EPHB2: variants seen among roughly 807,000 people sequenced by gnomAD.
EPHB2 encodes the protein ephrin type-B receptor 2.
In EPHB2, 18 loss-of-function variants were observed where a neutral mutation model predicts 96.4. The ratio of observed to expected loss-of-function variants is 0.19; its 90% CI spans 0.13 to 0.28. The LOEUF (loss-of-function observed/expected upper bound fraction) is 0.28, where lower values mean the gene tolerates loss of function less well. Ranked by LOEUF, EPHB2 falls within the 10% of genes least tolerant of loss-of-function variation. The pLI is 1.00. For synonymous variants in EPHB2, 506 were observed against 534.1 expected (o/e 0.95, Z 0.72); for missense variants, 989 against 1,355.4 (o/e 0.73, Z 4.25).
At position 22,894,911 on chromosome 1, in the gene EPHB2, A is replaced by G. The variant is rs142459788; in HGVS notation, c.1592-561A>G. On this transcript the variant is annotated intron_variant, in intron 7 of 15. Coordinates refer to ENST00000374630, the MANE Select transcript of EPHB2 (RefSeq NM_017449.5). ...GTGACACATAAAACACTCAGGGACA[A>G]GAATAGTTAATATTGATTGAATGCT... Among the ~76,000 whole-genome samples, 62 of 152,342 alleles carry G rather than the reference A, an allele frequency of 4.1e-4. 1 individual carries two copies. The South Asian group carries it at 7.0e-3, about 17-fold the overall frequency.
intron 9 of EPHB2, among the ~76,000 whole-genome samples, chr1:22,905,237 T>C (rs948977519): frequency 1.3e-5 from 2 of 152,004 alleles, no homozygotes; most frequent in Non-Finnish European, 2.9e-5. Flanking sequence ...GAACAAAAAA[T>C]AATAATAATA....
Position 22,913,179 on chromosome 1 carries a change from C to T in EPHB2, c.2853-283C>T, listed in dbSNP as rs1328154830. 18 of 487,194 alleles carry T rather than the reference C, an allele frequency of 3.7e-5. No individual in the cohort carries two copies. Among genetic ancestry groups the T allele is most frequent in the Non-Finnish European group, 6.0e-5 (16 of 265,344 alleles). 30.2% of individuals were successfully genotyped at this position (487,194 alleles called of 1,614,324 possible). A position where few individuals can be genotyped will look rare whatever the true frequency, so the allele number is the denominator to read the frequency against. On this transcript the variant is annotated intron_variant, in intron 15 of 15. Coordinates refer to ENST00000374630, the MANE Select transcript of EPHB2 (RefSeq NM_017449.5). This position sits in a 1 kb window ranked among gnomAD's most constrained non-coding sequence, Gnocchi z 4.1. Reference sequence around the variant, plus strand: ...CTGCACACCAGCCTGGGTGACAGAGCGAGACTCTGTCTCGAAAAAGAAAGA... The same window carrying T: ...CTGCACACCAGCCTGGGTGACAGAGTGAGACTCTGTCTCGAAAAAGAAAGA...
intron 3 of EPHB2, among the ~76,000 whole-genome samples, chr1:22,847,249 G>C (rs546078033): frequency 3.9e-5 from 6 of 152,350 alleles, no homozygotes; most frequent in African/African-American, 1.4e-4. Flanking sequence ...AAACGGAGAT[G>C]CAAAGACAGT....
chr1:22,883,945 C>T (rs373239946), intron 6 of EPHB2, among the ~76,000 whole-genome samples: 27 of 152,146 alleles, frequency 1.8e-4, no homozygotes, highest in African/African-American at 6.5e-4. Context: ...CCCCCAAACA[C>T]CTCCTGGGAC....
chr1:22,755,430 G>A (rs1276464819), intron 1 of EPHB2, among the ~76,000 whole-genome samples: 2 of 152,214 alleles, frequency 1.3e-5, no homozygotes, highest in African/African-American at 2.4e-5. Context: ...GGCACACTGA[G>A]GTCTGAAGAA....
chr1:22,886,161 A>G (rs1286434957), intron 6 of EPHB2, among the ~76,000 whole-genome samples: 1 of 152,204 alleles, frequency 6.6e-6, no homozygotes, highest in Non-Finnish European at 1.5e-5. Flanking sequence ...GCCTTCATTC[A>G]GTGACACTTA....
chr1:22,839,018 C>G (rs1309365541), intron 3 of EPHB2, among the ~76,000 whole-genome samples: 1 of 152,064 alleles, frequency 6.6e-6, no homozygotes, highest in African/African-American at 2.4e-5. Flanking sequence ...CCTAGAGGGT[C>G]AGGTATAATT....
chr1:22,889,840 T>A (rs1160968443), intron 6 of EPHB2, among the ~76,000 whole-genome samples: 3 of 152,234 alleles, frequency 2.0e-5, no homozygotes, highest in African/African-American at 7.2e-5. Context: ...TTGAATTTTT[T>A]AAAAATAAAT....
intron 15 of EPHB2, 75 bp downstream of exon 15, chr1:22,912,674 C>G (rs935108737): frequency 6.9e-6 from 11 of 1,597,996 alleles, no homozygotes; most frequent in Non-Finnish European, 9.4e-6. Flanking sequence ...GTGGGGTGAT[C>G]TGGAGGGTGA....
intron 14 of EPHB2, among the ~76,000 whole-genome samples, chr1:22,911,831 T>G (rs1640113160): frequency 6.6e-6 from 1 of 152,142 alleles, no homozygotes; most frequent in African/African-American, 2.4e-5. Context: ...CTGTCTCTCC[T>G]CACCATGACC....
chr1:22,912,921 A>ACTG (rs1640154842), intron 15 of EPHB2: 1 of 392,784 alleles, frequency 2.5e-6, no homozygotes, highest in Admixed American at 3.6e-5. Flanking sequence ...GCAGCCGGGC[A>ACTG]CAGTGGCTCA....
At chr1:22,754,904 T>G (rs1334092195) in intron 1 of EPHB2, among the ~76,000 whole-genome samples, 11 of 75,146 alleles carry the variant, frequency 1.5e-4, no homozygotes, top group African/African-American at 2.2e-4. Flanking sequence ...GCAGAGGAGG[T>G]GAGGCGAGGG....
At chr1:22,830,254 G>T (rs546586807) in intron 3 of EPHB2, among the ~76,000 whole-genome samples, 1 of 152,170 alleles carries the variant, frequency 6.6e-6, no homozygotes, top group African/African-American at 2.4e-5. Context: ...GGCATCAGAC[G>T]CCATGCTCTG....
At chr1:22,798,261 G>A (rs1481177177) in intron 3 of EPHB2, among the ~76,000 whole-genome samples, 1 of 152,164 alleles carries the variant, frequency 6.6e-6, no homozygotes, top group South Asian at 2.1e-4. Flanking sequence ...CCCATGGAGA[G>A]GCTGGGGTTC....
intron 1 of EPHB2, among the ~76,000 whole-genome samples, chr1:22,748,205 C>T (rs1429134654): frequency 6.6e-6 from 1 of 152,206 alleles, no homozygotes; most frequent in African/African-American, 2.4e-5. Flanking sequence ...ATGCCTGCCA[C>T]AGAGTAAGCA....
intron 1 of EPHB2, chr1:22,775,231 G>A (rs985090485): frequency 1.4e-5 from 11 of 779,706 alleles, no homozygotes; most frequent in Admixed American, 1.4e-4. Flanking sequence ...CCCTGCCTGT[G>A]TGCACTTATG....
At chr1:22,868,371 A>G (rs1277394216) in intron 5 of EPHB2, among the ~76,000 whole-genome samples, 2 of 152,146 alleles carry the variant, frequency 1.3e-5, no homozygotes, top group Non-Finnish European at 2.9e-5. Flanking sequence ...TAGCAAATGA[A>G]CGGCATTCAT....
At chr1:22,818,485 A>G (rs1398329977) in intron 3 of EPHB2, among the ~76,000 whole-genome samples, 1 of 152,020 alleles carries the variant, frequency 6.6e-6, no homozygotes, top group Non-Finnish European at 1.5e-5. Context: ...CTCCAGAACC[A>G]TCTTTCTAAA....
At chr1:22,799,641 G>A (rs1387108139) in intron 3 of EPHB2, among the ~76,000 whole-genome samples, 1 of 152,318 alleles carries the variant, frequency 6.6e-6, no homozygotes, top group East Asian at 1.9e-4. Flanking sequence ...TTTTGCAGAT[G>A]AGGGAACTGG....
Sources: gnomAD v4.1 joint callset for allele counts (sites outside exome capture counted in the v4.1 genomes callset) on GRCh38, gnomAD v4.1.1 for gene constraint, Gnocchi (gnomAD v3.1) non-coding constraint, MANE v1.5 for transcripts, NCBI Gene and HGNC (gene_info 2026-07-23, HGNC 2026-07-21) for gene names.